OXR1: variants seen among roughly 807,000 people sequenced by gnomAD.
The protein encoded by OXR1 is oxidation resistance protein 1.
A neutral mutation model predicts 104.6 loss-of-function variants in OXR1; 41 were observed. That is an observed-to-expected ratio of 0.39 (90% confidence interval 0.31 to 0.51). The LOEUF (loss-of-function observed/expected upper bound fraction) is 0.51. OXR1 is among the 20% of genes least tolerant of loss of function. OXR1 has a pLI of 0.77. For missense variants in OXR1, 955 were observed against 1,031.9 expected (o/e 0.93, Z 1.02); for synonymous variants, 348 against 348.4 (o/e 1.00, Z 0.01).
chr8:106,315,116 T>C (rs770175128), intron 1 of OXR1, among the ~76,000 whole-genome samples: 8 of 152,092 alleles, frequency 5.3e-5, no homozygotes, highest in Non-Finnish European at 8.8e-5. Context: ...GCTTTTTAAG[T>C]TTCCATTTCT....
intron 9 of OXR1, among the ~76,000 whole-genome samples, chr8:106,707,963 G>A (rs1459418088): frequency 2.0e-5 from 3 of 152,006 alleles, no homozygotes; most frequent in Non-Finnish European, 2.9e-5. Flanking sequence ...AAAATGTAAC[G>A]TAAATATATT....
At chr8:106,671,151 CAAA>C (rs35468140) in intron 3 of OXR1, among the ~76,000 whole-genome samples, 2 of 114,578 alleles carry the variant, frequency 1.7e-5, no homozygotes, top group African/African-American at 6.7e-5. Flanking sequence ...ACACCAAAGG[CAAA>C]AAAAAAAAAA....
chr8:106,380,150 A>G (rs974523338), intron 2 of OXR1, among the ~76,000 whole-genome samples: 6 of 151,384 alleles, frequency 4.0e-5, no homozygotes, highest in Non-Finnish European at 8.8e-5. Flanking sequence ...ACAACTACTA[A>G]TTTACTTTCT....
chr8:106,538,945 A>T (rs1249230984), intron 3 of OXR1, among the ~76,000 whole-genome samples: 1 of 152,170 alleles, frequency 6.6e-6, no homozygotes, highest in African/African-American at 2.4e-5. Flanking sequence ...TTCATTTTAC[A>T]TGTAAATTTC....
chr8:106,478,297 T>TA (rs532456138), intron 2 of OXR1, among the ~76,000 whole-genome samples: 1 of 151,732 alleles, frequency 6.6e-6, no homozygotes, highest in East Asian at 1.9e-4. Context: ...CTTAATATAT[T>TA]AAAAAAAATA....
At chr8:106,688,899 A>G (rs1007641401) in intron 6 of OXR1, among the ~76,000 whole-genome samples, 13 of 152,154 alleles carry the variant, frequency 8.5e-5, no homozygotes, top group Non-Finnish European at 1.3e-4. Flanking sequence ...TAACTGAGAC[A>G]TATGATCTAA....
At chr8:106,380,219 C>T (rs1563746047) in intron 2 of OXR1, among the ~76,000 whole-genome samples, 1 of 151,824 alleles carries the variant, frequency 6.6e-6, no homozygotes, top group Non-Finnish European at 1.5e-5. Flanking sequence ...ACATATCATA[C>T]ATTATATAGT....
chr8:106,747,498 A>G (rs1236080990), intron 16 of OXR1, among the ~76,000 whole-genome samples: 1 of 152,202 alleles, frequency 6.6e-6, no homozygotes, highest in Non-Finnish European at 1.5e-5. Flanking sequence ...AAAGATTTAG[A>G]AGACTACTTT....
At position 106,456,198 on chromosome 8, in the gene OXR1, C is replaced by G. The variant is rs952426378; in HGVS notation, c.24-62745C>G. On this transcript the variant is annotated intron_variant, in intron 2 of 16. Coordinates refer to ENST00000517566, the MANE Select transcript of OXR1 (RefSeq NM_001198533.2). Reference sequence around the variant, plus strand: ...CAGAGAGATGTGAGTCACCATAGGTCACCCAGAGGATGAAGATATAGCTGG... The same window carrying G: ...CAGAGAGATGTGAGTCACCATAGGTGACCCAGAGGATGAAGATATAGCTGG... Among the ~76,000 whole-genome samples, 61 of 152,196 alleles carry G rather than the reference C, an allele frequency of 4.0e-4. 1 individual carries two copies. Among genetic ancestry groups the G allele is most frequent in the Non-Finnish European group, 1.5e-5 (1 of 68,038 alleles).
chr8:106,546,292 T>C (rs1815353799), intron 3 of OXR1, among the ~76,000 whole-genome samples: 1 of 152,206 alleles, frequency 6.6e-6, no homozygotes, highest in East Asian at 1.9e-4. Flanking sequence ...CCCTTAGCTG[T>C]TGTCCCTGCT....
At chr8:106,733,825 CA>C (rs35750112) in intron 11 of OXR1, among the ~76,000 whole-genome samples, 54,487 of 95,710 alleles carry the variant, frequency 0.57, 11,330 homozygotes, top group African/African-American at 0.64. Context: ...GACTCCGTCT[CA>C]AAAAAAAAAA....
Position 106,474,836 on chromosome 8 carries a change from A to G in OXR1, c.24-44107A>G, listed in dbSNP as rs981793940. On this transcript the variant is annotated intron_variant, in intron 2 of 16. Coordinates refer to ENST00000517566, the MANE Select transcript of OXR1 (RefSeq NM_001198533.2). ...TTTCTTCATCTGCAAAATGAAGATA[A>G]TAAACTGTACCTATTTCATAGAATT... Among the ~76,000 whole-genome samples, 4 of 151,990 alleles carry G rather than the reference A, an allele frequency of 2.6e-5. No individual in the cohort carries two copies. In the East Asian group the frequency reaches 7.8e-4, roughly 29 times the overall value.
intron 3 of OXR1, among the ~76,000 whole-genome samples, chr8:106,607,154 A>T (rs963411310): frequency 6.6e-6 from 1 of 152,192 alleles, no homozygotes; most frequent in Non-Finnish European, 1.5e-5. Context: ...CTTCTTGAAG[A>T]TATTTTACTG....
chr8:106,573,453 A>G (rs1817618898), intron 3 of OXR1, among the ~76,000 whole-genome samples: 1 of 152,164 alleles, frequency 6.6e-6, no homozygotes, highest in Non-Finnish European at 1.5e-5. Flanking sequence ...AAATGCCAAA[A>G]GCAGAGATGC....
At chr8:106,597,998 G>A (rs1266996020) in intron 3 of OXR1, among the ~76,000 whole-genome samples, 1 of 152,076 alleles carries the variant, frequency 6.6e-6, no homozygotes, top group Non-Finnish European at 1.5e-5. Context: ...GTCTCCACTT[G>A]GGCATCATTT....
In OXR1 at chr8:106,359,477, T is replaced by C. The variant is rs191414729; in HGVS notation, c.-137T>C. On this transcript the variant is annotated splice_region_variant and 5_prime_UTR_variant, in exon 2 of 17. Coordinates refer to ENST00000517566, the MANE Select transcript of OXR1 (RefSeq NM_001198533.2). Reference sequence around the variant, plus strand: ...TTCATTTATTTCTTTTCTTTATAGGTCCTCTCAAACTGTGAGTAACTAAGT... The same window carrying C: ...TTCATTTATTTCTTTTCTTTATAGGCCCTCTCAAACTGTGAGTAACTAAGT... 1.1e-3 allele frequency: 738 copies of C among 670,302 alleles called. 1 individual carries two copies. The highest frequency in any genetic ancestry group is 1.8e-3 in the Non-Finnish European group (667 of 367,616). 41.5% of individuals were successfully genotyped at this position (670,302 alleles called of 1,614,324 possible).
rs964160738 is a variant in OXR1, at chr8:106,752,667, C to T, written c.*1726C>T. ...AAAATAAGGTCATAGTGGCATATAC[C>T]AAATAAAATCAAATACAGAAATACA... On this transcript the variant is annotated 3_prime_UTR_variant, in exon 17 of 17. Coordinates refer to ENST00000517566, the MANE Select transcript of OXR1 (RefSeq NM_001198533.2). The T allele has an allele frequency of 6.6e-6, 1 of 151,972 alleles. No homozygotes were observed. The highest frequency in any genetic ancestry group is 2.4e-5 in the African/African-American group (1 of 41,324). 9.4% of individuals were successfully genotyped at this position (151,972 alleles called of 1,614,324 possible).
intron 12 of OXR1, among the ~76,000 whole-genome samples, chr8:106,738,215 A>G (rs993089754): frequency 7.2e-5 from 11 of 152,134 alleles, no homozygotes; most frequent in Admixed American, 5.2e-4. Flanking sequence ...TGTGTCTATT[A>G]TACTGTGTTT....
At chr8:106,623,781 C>T (rs556445747) in intron 3 of OXR1, among the ~76,000 whole-genome samples, 106 of 152,120 alleles carry the variant, frequency 7.0e-4, no homozygotes, top group South Asian at 1.5e-3. Context: ...TTTTATATGC[C>T]GTAGAATAGA....
Sources: allele counts gnomAD v4.1 joint callset (sites outside exome capture counted in the v4.1 genomes callset), GRCh38; gene constraint gnomAD v4.1.1; transcripts MANE v1.5; gene names NCBI Gene and HGNC (gene_info 2026-07-23, HGNC 2026-07-21).